The following TRRAP variants were observed in gnomAD, a reference collection of about 807,000 sequenced individuals.
The protein encoded by TRRAP is transformation/transcription domain-associated protein.
A neutral mutation model predicts 438.8 loss-of-function variants in TRRAP; 41 were observed. That is an observed-to-expected ratio of 0.09 (90% CI 0.07 to 0.12). The LOEUF (loss-of-function observed/expected upper bound fraction) is 0.12. TRRAP is among the 10% of genes least tolerant of loss of function. The pLI is 1.00. For synonymous variants in TRRAP, 1,994 were observed against 1,962.9 expected (o/e 1.02, Z -0.42); for missense variants, 3,122 against 5,055.1 (o/e 0.62, Z 11.60).
In TRRAP at chr7:98,977,061, C is replaced by T. The variant is rs56045389; in HGVS notation, c.8370C>T (p.His2790=). ...CGACTGCGATTGCTTACGAGCAGCA[C>T]GGGTTCTTTGAGCAGGTAAACCTCA... ...ETATAIAYEQ[H]GFFEQAQESY... The change falls in exon 56 of 73, where the codon CAC becomes CAT. Residue 2790 remains histidine, a synonymous_variant. Coordinates refer to ENST00000456197, the MANE Select transcript of TRRAP (RefSeq NM_001375524.1). 97 of 1,614,086 alleles carry T rather than the reference C, an allele frequency of 6.0e-5. No homozygotes were observed. The highest frequency in any genetic ancestry group is 2.2e-4 in the East Asian group (10 of 44,898).
Position 98,888,102 on chromosome 7 carries a change from C to T in TRRAP, c.151-2233C>T, listed in dbSNP as rs369346407. Among the ~76,000 whole-genome samples the T allele has an allele frequency of 1.1e-4, 17 of 151,926 alleles. No individual in the cohort carries two copies. In the East Asian group the frequency reaches 2.0e-3, roughly 17 times the overall value. On this transcript the variant is annotated intron_variant, in intron 3 of 72. Transcript: ENST00000456197. ...AAAATTAGCCGGGCCTGGTGGCGGG[C>T]GCCTGTAGTCCCAGCTACTTGGGAG...
At chr7:98,969,029 G>C (rs573144157) in intron 51 of TRRAP, among the ~76,000 whole-genome samples, 1 of 152,352 alleles carries the variant, frequency 6.6e-6, no homozygotes, top group Non-Finnish European at 1.5e-5. Context: ...CTTTGCCCCT[G>C]AGTATCTGCT....
rs57039156 is a variant in TRRAP at position 98,881,554 on chromosome 7, A to G, written c.100+304A>G. The G allele has an allele frequency of 6.8e-3, 1,675 of 246,464 alleles. 27 individuals carry two copies. The highest frequency in any genetic ancestry group is 0.035 in the African/African-American group (1,500 of 42,580). The allele number at this position is 246,464 out of a possible 1,614,324, so 15.3% of individuals were successfully genotyped here. A position where few individuals can be genotyped will look rare whatever the true frequency, so the allele number is the denominator to read the frequency against. ...ACCACTGCACTCCAGCCTGGGTGACAGAGCGAGACTCCCTCTCAAAAAAAA... is the reference window on the plus strand; with the variant it reads ...ACCACTGCACTCCAGCCTGGGTGACGGAGCGAGACTCCCTCTCAAAAAAAA... On this transcript the variant is annotated intron_variant, in intron 2 of 72. Transcript: ENST00000456197.
rs199982850 is a variant in TRRAP, at chr7:98,956,543, T to C, written c.6231+10T>C. The C allele has an allele frequency of 1.4e-5, 22 of 1,611,394 alleles. No individual in the cohort carries two copies. In the East Asian group the frequency reaches 1.6e-4, roughly 11 times the overall value. ...CGGAGCCATCAGTGCAGTAAGATCA[T>C]GTGCCTCTGTATGGGTGCTGCGCAT... On this transcript the variant is annotated intron_variant, in intron 43 of 72. Transcript: ENST00000456197. This position sits in a 1 kb window ranked among gnomAD's most constrained non-coding sequence, Gnocchi z 4.5.
intron 31 of TRRAP, among the ~76,000 whole-genome samples, 173 bp downstream of exon 31, chr7:98,943,190 C>T (rs192308889): frequency 5.3e-5 from 8 of 152,346 alleles, no homozygotes; most frequent in Non-Finnish European, 1.2e-4. Context: ...TATCTTTTCT[C>T]TTAATTGCTA....
intron 11 of TRRAP, among the ~76,000 whole-genome samples, chr7:98,903,049 C>CAA (rs10699187): frequency 0.89 from 135,414 of 151,692 alleles, 60,514 homozygotes; most frequent in South Asian, 0.94. Flanking sequence ...TTTTTGGAGA[C>CAA]GAGTCTCACT....
chr7:98,942,862 C>G (rs1010559418), intron 30 of TRRAP, 87 bp from the exon 31 acceptor site: 7 of 1,439,142 alleles, frequency 4.9e-6, no homozygotes, highest in African/African-American at 2.8e-5. Context: ...ACACTAAACA[C>G]GATGGAAATG....
At chr7:98,975,152 A>G (rs1234245010) in intron 53 of TRRAP, among the ~76,000 whole-genome samples, 1 of 152,238 alleles carries the variant, frequency 6.6e-6, no homozygotes, top group East Asian at 1.9e-4. Context: ...CAGTCCTCAC[A>G]GGGCAGCCTG....
At chr7:98,928,767 A>T (rs1458527151) in intron 23 of TRRAP, among the ~76,000 whole-genome samples, 6 of 149,844 alleles carry the variant, frequency 4.0e-5, no homozygotes, top group Middle Eastern at 3.4e-3. Context: ...TTTTTTTTTT[A>T]ATTTTTGTTT....
intron 51 of TRRAP, among the ~76,000 whole-genome samples, chr7:98,968,952 C>T (rs1792282574): frequency 6.6e-6 from 1 of 152,244 alleles, no homozygotes; most frequent in Admixed American, 6.5e-5. Context: ...GACATATTGG[C>T]TGTGGCAGGT....
Position 98,958,011 on chromosome 7 carries a change from G to A in TRRAP, c.6262G>A (p.Ala2088Thr). The change falls in exon 44 of 73, where the codon GCA becomes ACA. Residue 2088 changes from alanine to threonine, a missense_variant. Physicochemically the swap from Ala to Thr is moderately conservative, Grantham distance 58 (BLOSUM62 0). Transcript: ENST00000456197. ...TGGGAGGAGCCAGTCGCTACCTGGA[G>A]CAGACTCTCTCCTCGCCAAGCCCAT... ...VFGRSQSLPG[A>T]DSLLAKPIDK... 1.2e-6 allele frequency: 2 copies of A among 1,614,186 alleles called. No homozygotes were observed. Among genetic ancestry groups the A allele is most frequent in the South Asian group, 1.1e-5 (1 of 91,076 alleles).
intron 67 of TRRAP, among the ~76,000 whole-genome samples, chr7:98,997,483 CAAAAAA>C (rs61132070): frequency 3.3e-4 from 14 of 42,622 alleles, no homozygotes; most frequent in South Asian, 1.1e-3. Context: ...ACTGCTGTTG[CAAAAAA>C]AAAAAAAAAA....
chr7:98,990,305 GT>G, intron 63 of TRRAP, 149 bp from the exon 64 acceptor site: 1 of 655,770 alleles, frequency 1.5e-6, no homozygotes, highest in Non-Finnish European at 2.5e-6. Flanking sequence ...TTTACATTAA[GT>G]TTAGCAATAA....
In TRRAP at chr7:98,925,340, T is replaced by G. The variant is rs6949344; in HGVS notation, c.2975+77T>G. On this transcript the variant is annotated intron_variant, in intron 22 of 72. Coordinates refer to ENST00000456197, the MANE Select transcript of TRRAP (RefSeq NM_001375524.1). ...TGGGGCTGCAGAGGGCCTCCCAGGT[T>G]TCCTGGTGCTAGGAGCAGGCTCCTT... 0.065 allele frequency: 100,516 copies of G among 1,553,958 alleles called. 8,366 individuals are homozygous for G. Among genetic ancestry groups the G allele is most frequent in the African/African-American group, 0.42 (30,590 of 73,120 alleles).
At chr7:98,992,303 A>G (rs1361052751) in intron 65 of TRRAP, 76 bp downstream of exon 65, 4 of 1,462,568 alleles carry the variant, frequency 2.7e-6, no homozygotes, top group Non-Finnish European at 3.8e-6. Flanking sequence ...CAGACAGACC[A>G]CCGCAGCCAC....
intron 69 of TRRAP, among the ~76,000 whole-genome samples, chr7:99,007,069 G>A (rs1794200469): frequency 6.6e-6 from 1 of 152,216 alleles, no homozygotes; most frequent in African/African-American, 2.4e-5. Flanking sequence ...TGGTGATTGG[G>A]AACAGAGTAC....
intron 31 of TRRAP, among the ~76,000 whole-genome samples, chr7:98,945,200 C>T (rs943557600): frequency 1.3e-5 from 2 of 152,130 alleles, no homozygotes; most frequent in African/African-American, 2.4e-5. Flanking sequence ...CAGGGGAGAA[C>T]GCGTGACCAC....
intron 23 of TRRAP, among the ~76,000 whole-genome samples, chr7:98,927,614 C>A (rs1205849472): frequency 6.6e-6 from 1 of 152,210 alleles, no homozygotes; most frequent in Non-Finnish European, 1.5e-5. Flanking sequence ...AATAATACTT[C>A]TGTGTCCAAG....
chr7:98,899,398 G>A lies in TRRAP; in HGVS notation c.634-24G>A, dbSNP rs782233725. 38 of 1,612,274 alleles carry A rather than the reference G, an allele frequency of 2.4e-5. 2 individuals are homozygous for A. In the Middle Eastern group the frequency reaches 3.6e-3, roughly 154 times the overall value. ...TTTAAATGCCACAATGGTAACCCGGGTCCTACCCATTTCTGTCTTCCAGCA... is the reference window on the plus strand; with the variant it reads ...TTTAAATGCCACAATGGTAACCCGGATCCTACCCATTTCTGTCTTCCAGCA... On this transcript the variant is annotated intron_variant, in intron 8 of 72. Coordinates refer to ENST00000456197, the MANE Select transcript of TRRAP (RefSeq NM_001375524.1).
Sources: allele counts gnomAD v4.1 joint callset (sites outside exome capture counted in the v4.1 genomes callset), GRCh38; gene constraint gnomAD v4.1.1; non-coding constraint Gnocchi (gnomAD v3.1); transcripts MANE v1.5; gene names NCBI Gene and HGNC (gene_info 2026-07-23, HGNC 2026-07-21).